The following CDC25C variants were observed in gnomAD, a reference collection of about 807,000 sequenced individuals.
CDC25C encodes cell division cycle 25C, also known as M-phase inducer phosphatase 3.
In CDC25C, 48 loss-of-function variants were observed where a neutral mutation model predicts 52.5. The ratio of observed to expected loss-of-function variants is 0.91; its 90% CI spans 0.72 to 1.16. The LOEUF is 1.16. Among genes scored for constraint, CDC25C ranks in the 50% most tolerant of loss-of-function variants. The pLI is 0.00. For missense variants in CDC25C, 510 were observed against 566.1 expected, an observed-to-expected ratio of 0.90 and a Z score of 1.01; for synonymous variants, 187 against 206.5, an observed-to-expected ratio of 0.91 and a Z score of 0.81.
exon 1 of CDC25C, chr5:138,338,273 C>G: frequency 1.1e-6 from 1 of 948,458 alleles, no homozygotes; most frequent in Non-Finnish European, 1.5e-6. Flanking sequence ...CTCAGAGCTG[C>G]TCCGGCCGCG....
At chr5:138,309,468 A>G (rs1758277469) in intron 7 of CDC25C, among the ~76,000 whole-genome samples, 1 of 151,964 alleles carries the variant, frequency 6.6e-6, no homozygotes, top group Non-Finnish European at 1.5e-5. Context: ...GAGGCAGGAG[A>G]ATCTCTTGAA....
intron 7 of CDC25C, among the ~76,000 whole-genome samples, chr5:138,293,482 T>C (rs1756912436): frequency 6.6e-6 from 1 of 152,072 alleles, no homozygotes; most frequent in Admixed American, 6.6e-5. Flanking sequence ...GTAGGGTGCC[T>C]GGTCTCCATG....
chr5:138,312,183 A>G (rs1326676419), intron 7 of CDC25C, among the ~76,000 whole-genome samples: 2 of 152,088 alleles, frequency 1.3e-5, no homozygotes, highest in African/African-American at 4.8e-5. Flanking sequence ...TGACCCAGCA[A>G]TTTTACTTCT....
chr5:138,315,175 G>A (rs747678921), intron 7 of CDC25C, among the ~76,000 whole-genome samples: 3 of 149,690 alleles, frequency 2.0e-5, no homozygotes, highest in Admixed American at 6.6e-5. Flanking sequence ...CACCCGCTTC[G>A]GCCTCCCAGT....
exon 1 of CDC25C, chr5:138,338,238 A>G: frequency 8.2e-7 from 1 of 1,212,484 alleles, no homozygotes; most frequent in Non-Finnish European, 1.1e-6. Context: ...GCGCCTTTTA[A>G]GGGCACCGTG....
chr5:138,302,716 T>G (rs561456993), intron 7 of CDC25C, among the ~76,000 whole-genome samples: 295 of 148,842 alleles, frequency 2.0e-3, no homozygotes, highest in African/African-American at 6.3e-3. Context: ...AAAAAGTAAT[T>G]CATCATATTA....
At chr5:138,335,321 A>T (rs2126867519), upstream of CDC25C, 1 of 152,332 alleles carries the variant, frequency 6.6e-6, no homozygotes, top group African/African-American at 2.4e-5. Flanking sequence ...TTTAGCTTTC[A>T]CTGGGTGAAA....
At chr5:138,325,791 T>G (rs1759802912) in intron 6 of CDC25C, 24 bp downstream of exon 6, 1 of 1,537,176 alleles carries the variant, frequency 6.5e-7, no homozygotes, top group South Asian at 1.1e-5. Flanking sequence ...TGCCAATATA[T>G]CTAGGTTTCC....
upstream of CDC25C, among the ~76,000 whole-genome samples, chr5:138,334,417 A>G (rs933614813): frequency 3.3e-5 from 5 of 151,842 alleles, no homozygotes; most frequent in Non-Finnish European, 7.4e-5. Context: ...CTGGAGTGCA[A>G]TGGCGCAATC....
chr5:138,304,363 A>C (rs1757847493), intron 7 of CDC25C, among the ~76,000 whole-genome samples: 1 of 131,024 alleles, frequency 7.6e-6, no homozygotes. Context: ...TTGTAGAGAC[A>C]TGTTGCTGAG....
intron 7 of CDC25C, among the ~76,000 whole-genome samples, chr5:138,313,995 C>CTTTCTTTCTTTCTTTCTTTCTTTCTT (rs1554117939): frequency 8.9e-6 from 1 of 112,676 alleles, no homozygotes; most frequent in Non-Finnish European, 1.8e-5. Context: ...TTCTTTCTTT[C>CTTTCTTTCTTTCTTTCTTTCTTTCTT]TTTTTTTTTT....
chr5:138,320,453 G>T (rs1759272495), intron 6 of CDC25C, among the ~76,000 whole-genome samples: 1 of 152,078 alleles, frequency 6.6e-6, no homozygotes, highest in Admixed American at 6.6e-5. Flanking sequence ...AACAAAATAT[G>T]ATATATACAT....
chr5:138,289,028 G>C (rs749776183), intron 10 of CDC25C, among the ~76,000 whole-genome samples: 1 of 152,016 alleles, frequency 6.6e-6, no homozygotes, highest in Non-Finnish European at 1.5e-5. Context: ...ACAGTGGCAC[G>C]ATCTCTGCTC....
chr5:138,293,169 G>C (rs894440610), intron 7 of CDC25C, among the ~76,000 whole-genome samples: 9 of 152,130 alleles, frequency 5.9e-5, no homozygotes, highest in Admixed American at 2.0e-4. Flanking sequence ...CGTACCCTTA[G>C]ACTCCTTCCA....
At chr5:138,286,756 G>A in intron 11 of CDC25C, 126 bp from the exon 12 acceptor site, 1 of 795,822 alleles carries the variant, frequency 1.3e-6, no homozygotes, top group Non-Finnish European at 2.0e-6. Context: ...AGCACCTTTA[G>A]GGCAGGGGTC....
chr5:138,287,027 A>G (rs1756303143), intron 11 of CDC25C, 142 bp downstream of exon 11: 3 of 588,604 alleles, frequency 5.1e-6, no homozygotes, highest in Non-Finnish European at 9.1e-6. Context: ...AATTAAAACA[A>G]TGAGGACCTC....
upstream of CDC25C, among the ~76,000 whole-genome samples, chr5:138,334,019 T>G (rs1447591497): frequency 6.6e-6 from 1 of 152,012 alleles, no homozygotes; most frequent in Non-Finnish European, 1.5e-5. Context: ...CTGCAACCTC[T>G]GCCTCCTGGG....
At chr5:138,335,762 T>A (rs1165053320), upstream of CDC25C, among the ~76,000 whole-genome samples, 1 of 140,524 alleles carries the variant, frequency 7.1e-6, no homozygotes, top group African/African-American at 2.5e-5. Context: ...AAACTTGACT[T>A]GCAGGGTTTT....
At chr5:138,313,995 C>CTTTCTTTTTTTTT (rs1554117939) in intron 7 of CDC25C, among the ~76,000 whole-genome samples, 1 of 112,676 alleles carries the variant, frequency 8.9e-6, no homozygotes, top group Non-Finnish European at 1.8e-5. Context: ...TTCTTTCTTT[C>CTTTCTTTTTTTTT]TTTTTTTTTT....
Sources: gnomAD v4.1 joint callset for allele counts (sites outside exome capture counted in the v4.1 genomes callset) on GRCh38, gnomAD v4.1.1 for gene constraint, MANE v1.5 for transcripts, NCBI Gene and HGNC (gene_info 2026-07-23, HGNC 2026-07-21) for gene names.